Variants in NREP observed in about 807,000 individuals in gnomAD.
NREP encodes the protein neuronal regeneration-related protein.
Under a neutral mutation model 8.6 loss-of-function variants are expected in NREP, and 5 were observed. The observed-to-expected ratio is 0.58, with a 90% CI of 0.30 to 1.22. The LOEUF is 1.22. NREP is among the 50% of genes most tolerant of loss of function. The probability of loss-of-function intolerance (pLI) is 0.07; values close to 1 mark genes in which losing one functional copy is unlikely to be tolerated. For missense variants in NREP, 86 were observed against 82.5 expected (o/e 1.04, Z -0.17); for synonymous variants, 27 against 28.0 (o/e 0.96, Z 0.11).
chr5:111,893,013 T>G (rs1212175924), intron 2 of NREP, among the ~76,000 whole-genome samples: 5 of 152,212 alleles, frequency 3.3e-5, no homozygotes, highest in Non-Finnish European at 7.3e-5. Context: ...TCACCATGTT[T>G]GCCATTGACA....
rs1476812756 is a variant in NREP, at chr5:111,730,095, T to A, written c.*826A>T. On this transcript the variant is annotated 3_prime_UTR_variant, in exon 4 of 4. Coordinates refer to ENST00000257435, the MANE Select transcript of NREP (RefSeq NM_004772.4). ...AAAGGAAGAGATTTGGTAAGTAAATTACAGTTTTGTGATTGCTCCCGCTAC... is the reference window on the plus strand; with the variant it reads ...AAAGGAAGAGATTTGGTAAGTAAATAACAGTTTTGTGATTGCTCCCGCTAC... 6.6e-6 allele frequency: 1 copy of A among 152,490 alleles called. No homozygotes were observed. Among genetic ancestry groups the A allele is most frequent in the Non-Finnish European group, 1.5e-5 (1 of 68,018 alleles). 9.4% of individuals were successfully genotyped at this position (152,490 alleles called of 1,614,324 possible).
intron 2 of NREP, among the ~76,000 whole-genome samples, chr5:111,790,707 A>G (rs1438142908): frequency 6.6e-6 from 1 of 152,264 alleles, no homozygotes; most frequent in Non-Finnish European, 1.5e-5. Flanking sequence ...TGGTAGAGCC[A>G]TATATTGAAA....
Position 111,729,510 on chromosome 5 carries a change from G to T in NREP, c.*1411C>A. The stretch of plus-strand genomic sequence containing the variant: ...ACACAGCTGATATACCTATTCTAAC[G>T]AAGGAGGGAGAGGAGTAATGCACAA... On this transcript the variant is annotated 3_prime_UTR_variant, in exon 4 of 4. Coordinates refer to ENST00000257435, the MANE Select transcript of NREP (RefSeq NM_004772.4). 6.6e-6 allele frequency: 1 copy of T among 152,620 alleles called. No homozygotes were observed. The highest frequency in any genetic ancestry group is 1.5e-5 in the Non-Finnish European group (1 of 68,052). 9.5% of individuals were successfully genotyped at this position (152,620 alleles called of 1,614,324 possible).
At chr5:111,739,864 A>G (rs561354407) in intron 2 of NREP, 2 of 152,338 alleles carry the variant, frequency 1.3e-5, no homozygotes, top group East Asian at 3.9e-4. Context: ...GTCTTCTTTT[A>G]AAACTGCTTT....
intron 2 of NREP, among the ~76,000 whole-genome samples, chr5:111,763,377 A>T (rs1216930242): frequency 6.6e-6 from 1 of 152,238 alleles, no homozygotes; most frequent in Admixed American, 6.5e-5. Flanking sequence ...TATGATGAAC[A>T]GAGCATTTAA....
intron 2 of NREP, among the ~76,000 whole-genome samples, chr5:111,946,682 AT>A (rs1416820436): frequency 6.6e-6 from 1 of 151,946 alleles, no homozygotes; most frequent in Non-Finnish European, 1.5e-5. Context: ...TGTAGAGGGC[AT>A]TGAATTTCCT....
At chr5:111,735,573 T>C (rs1230484681) in intron 2 of NREP, 66 bp from the exon 3 acceptor site, 3 of 1,169,734 alleles carry the variant, frequency 2.6e-6, no homozygotes, top group Non-Finnish European at 2.5e-6. Context: ...CTACACGGGA[T>C]AACCTTAATG....
chr5:111,827,887 T>G (rs112089469), intron 2 of NREP, among the ~76,000 whole-genome samples: 47 of 152,226 alleles, frequency 3.1e-4, no homozygotes, highest in African/African-American at 1.0e-3. Flanking sequence ...AAAAAACCTA[T>G]GTACTCTCTG....
intron 2 of NREP, chr5:111,912,582 C>T (rs1218859452): frequency 6.6e-6 from 1 of 152,068 alleles, no homozygotes; most frequent in Non-Finnish European, 1.5e-5. Flanking sequence ...CAGTAATTCC[C>T]CAGATGAGCC....
chr5:111,965,391 T>G (rs1464827303), intron 2 of NREP, among the ~76,000 whole-genome samples: 1 of 152,008 alleles, frequency 6.6e-6, no homozygotes, highest in Non-Finnish European at 1.5e-5. Flanking sequence ...TGGCAGGAGG[T>G]TGTATCTTTC....
chr5:111,909,631 G>A (rs766422353), intron 2 of NREP, among the ~76,000 whole-genome samples: 1 of 152,048 alleles, frequency 6.6e-6, no homozygotes, highest in African/African-American at 2.4e-5. Context: ...AGAGAGAACA[G>A]ATACTTGAAC....
At chr5:111,778,082 G>C (rs1031772212) in intron 2 of NREP, among the ~76,000 whole-genome samples, 2 of 152,204 alleles carry the variant, frequency 1.3e-5, no homozygotes, top group South Asian at 4.1e-4. Flanking sequence ...GAAATCATAG[G>C]ATTTAGTACA....
upstream of NREP, among the ~76,000 whole-genome samples, chr5:111,759,949 C>T (rs925365274): frequency 2.0e-5 from 3 of 152,140 alleles, no homozygotes; most frequent in Non-Finnish European, 4.4e-5. Flanking sequence ...GACTTTCTAA[C>T]CTTATCATCT....
intron 2 of NREP, among the ~76,000 whole-genome samples, chr5:111,824,914 A>C (rs972233442): frequency 6.6e-6 from 1 of 152,204 alleles, no homozygotes; most frequent in Non-Finnish European, 1.5e-5. Flanking sequence ...CTTTATGTAA[A>C]GTGCTATGAA....
chr5:111,973,931 T>C (rs1355072475), intron 2 of NREP, among the ~76,000 whole-genome samples: 1 of 152,234 alleles, frequency 6.6e-6, no homozygotes, highest in South Asian at 2.1e-4. Context: ...CATTTTGTTT[T>C]GGAAATATTT....
chr5:111,827,500 T>C (rs1191575196), intron 2 of NREP, among the ~76,000 whole-genome samples: 1 of 152,186 alleles, frequency 6.6e-6, no homozygotes, highest in Non-Finnish European at 1.5e-5. Flanking sequence ...AGGTCATCCA[T>C]TTACAGTGCT....
intron 2 of NREP, among the ~76,000 whole-genome samples, chr5:111,927,577 T>G (rs1581226099): frequency 1.3e-5 from 2 of 152,278 alleles, no homozygotes; most frequent in South Asian, 4.1e-4. Flanking sequence ...CCCAAACAGA[T>G]AGCTGTAATT....
At chr5:111,881,572 G>C (rs1039946807) in intron 2 of NREP, among the ~76,000 whole-genome samples, 3 of 152,166 alleles carry the variant, frequency 2.0e-5, no homozygotes, top group Non-Finnish European at 2.9e-5. Context: ...CTAACTGGGA[G>C]GCACCCCCCA....
At chr5:111,943,246 C>T (rs986001765) in intron 2 of NREP, among the ~76,000 whole-genome samples, 6 of 152,006 alleles carry the variant, frequency 3.9e-5, no homozygotes, top group Non-Finnish European at 8.8e-5. Flanking sequence ...CATCAGGTGC[C>T]GGTTATGCTG....
Sources: allele counts gnomAD v4.1 joint callset (sites outside exome capture counted in the v4.1 genomes callset), GRCh38; gene constraint gnomAD v4.1.1; transcripts MANE v1.5; gene names NCBI Gene and HGNC (gene_info 2026-07-23, HGNC 2026-07-21).